Variants in ARFIP1 observed in about 807,000 individuals in gnomAD.
The protein encoded by ARFIP1 is arfaptin-1.
Under a neutral mutation model 42.5 loss-of-function variants are expected in ARFIP1, and 24 were observed. The ratio of observed to expected loss-of-function variants is 0.57; its 90% CI spans 0.41 to 0.80. The LOEUF (loss-of-function observed/expected upper bound fraction) is 0.80, where lower values mean the gene tolerates loss of function less well. ARFIP1 is among the 30% of genes least tolerant of loss of function. The pLI, the probability that ARFIP1 is intolerant of heterozygous loss-of-function variation, is 0.00. For missense variants in ARFIP1, 354 were observed against 434.0 expected, an observed-to-expected ratio of 0.82 and a Z score of 1.64; for synonymous variants, 141 against 153.7, an observed-to-expected ratio of 0.92 and a Z score of 0.61.
At chr4:152,781,368 T>C (rs1730486732) in intron 1 of ARFIP1, among the ~76,000 whole-genome samples, 1 of 151,506 alleles carries the variant, frequency 6.6e-6, no homozygotes, top group Admixed American at 6.6e-5. Flanking sequence ...TCTGAGTAGC[T>C]GGGTTTACAG....
chr4:152,911,142 A>G lies in ARFIP1; in HGVS notation c.*923A>G, dbSNP rs1738817501. 1 of 152,686 alleles carries G rather than the reference A, an allele frequency of 6.5e-6. No homozygotes were observed. The highest frequency in any genetic ancestry group is 2.1e-4 in the South Asian group (1 of 4,836). The allele number at this position is 152,686 out of a possible 1,614,324, so 9.5% of individuals were successfully genotyped here. ...ATCACAGATATGTGCCTTCTCAGAT[A>G]CAGTAATTCTTGTTCAACCAATGTA... On this transcript the variant is annotated 3_prime_UTR_variant, in exon 9 of 9. Transcript: ENST00000353617.
chr4:152,885,315 T>C (rs1177930020), intron 7 of ARFIP1, among the ~76,000 whole-genome samples: 1 of 152,042 alleles, frequency 6.6e-6, no homozygotes, highest in Non-Finnish European at 1.5e-5. Context: ...CTCCCTATTA[T>C]GCATTGTGTA....
chr4:152,896,188 A>G (rs1737307881), intron 8 of ARFIP1, among the ~76,000 whole-genome samples: 1 of 149,476 alleles, frequency 6.7e-6, no homozygotes, highest in African/African-American at 2.6e-5. Flanking sequence ...GAAACAGCAT[A>G]TGTTGACGGT....
rs146713983 is a variant in ARFIP1 at position 152,822,111 on chromosome 4, A to G, written c.-9-7514A>G. Among the ~76,000 whole-genome samples the G allele has an allele frequency of 7.2e-3, 1,092 of 152,264 alleles. 11 individuals carry two copies. The highest frequency in any genetic ancestry group is 0.024 in the African/African-American group (1,013 of 41,558). Reference sequence around the variant, plus strand: ...ATGATGATCTATTTAAAAGATACAGATTGGCAGAATGGATAAAAAAATTGC... The same window carrying G: ...ATGATGATCTATTTAAAAGATACAGGTTGGCAGAATGGATAAAAAAATTGC... On this transcript the variant is annotated intron_variant, in intron 1 of 8. Coordinates refer to ENST00000353617, the MANE Select transcript of ARFIP1 (RefSeq NM_001025595.3).
At chr4:152,880,079 C>T (rs923646930) in intron 5 of ARFIP1, among the ~76,000 whole-genome samples, 10 of 150,792 alleles carry the variant, frequency 6.6e-5, no homozygotes, top group Non-Finnish European at 1.3e-4. Flanking sequence ...CAACGGCTCA[C>T]GCCTGTAATC....
At chr4:152,833,968 A>T (rs78567235) in intron 2 of ARFIP1, among the ~76,000 whole-genome samples, 5,689 of 152,278 alleles carry the variant, frequency 0.037, 159 homozygotes, top group South Asian at 0.079. Context: ...CAGGCTGTGC[A>T]GGAAGTATGA....
At chr4:152,791,700 G>T (rs551009696) in intron 1 of ARFIP1, among the ~76,000 whole-genome samples, 1 of 151,930 alleles carries the variant, frequency 6.6e-6, no homozygotes, top group Admixed American at 6.6e-5. Context: ...CAGACCTCAG[G>T]GCTATTTTGG....
intron 2 of ARFIP1, among the ~76,000 whole-genome samples, chr4:152,837,016 T>C (rs1181808774): frequency 6.6e-6 from 1 of 152,064 alleles, no homozygotes; most frequent in Admixed American, 6.6e-5. Context: ...ACATAATCAG[T>C]GAGAACATAC....
At chr4:152,894,390 A>G (rs1737136219) in intron 8 of ARFIP1, among the ~76,000 whole-genome samples, 2 of 152,200 alleles carry the variant, frequency 1.3e-5, no homozygotes, top group African/African-American at 2.4e-5. Flanking sequence ...AAGTTTAAGG[A>G]GCATGTTAAT....
chr4:152,884,578 G>A (rs1736116636), intron 7 of ARFIP1, among the ~76,000 whole-genome samples: 1 of 151,892 alleles, frequency 6.6e-6, no homozygotes, highest in South Asian at 2.1e-4. Context: ...TGAGAACTTT[G>A]TGAATCTAGT....
At chr4:152,886,273 T>C (rs1320123742) in intron 7 of ARFIP1, among the ~76,000 whole-genome samples, 1 of 152,022 alleles carries the variant, frequency 6.6e-6, no homozygotes, top group Non-Finnish European at 1.5e-5. Flanking sequence ...AATCATGTCA[T>C]TTTTATGTCA....
At position 152,912,055 on chromosome 4, in the gene ARFIP1, G is replaced by C. The variant is rs982123873; in HGVS notation, c.*1836G>C. Reference sequence around the variant, plus strand: ...GCTCAGTAAGCTATTTTTTTTCAATGTGAATCTCTTTTGAGAGCTGAACAT... The same window carrying C: ...GCTCAGTAAGCTATTTTTTTTCAATCTGAATCTCTTTTGAGAGCTGAACAT... On this transcript the variant is annotated 3_prime_UTR_variant, in exon 9 of 9. Coordinates refer to ENST00000353617, the MANE Select transcript of ARFIP1 (RefSeq NM_001025595.3). The C allele has an allele frequency of 6.6e-6, 1 of 151,984 alleles. No individual in the cohort carries two copies. The highest frequency in any genetic ancestry group is 6.6e-5 in the Admixed American group (1 of 15,236). The allele number at this position is 151,984 out of a possible 1,614,324, so 9.4% of individuals were successfully genotyped here.
intron 1 of ARFIP1, among the ~76,000 whole-genome samples, chr4:152,785,629 G>A (rs887924900): frequency 7.9e-5 from 12 of 152,180 alleles, no homozygotes; most frequent in Non-Finnish European, 1.8e-4. Flanking sequence ...TTGAAATAAA[G>A]ATTCAAGTAA....
chr4:152,801,555 A>G (rs1327710720), intron 1 of ARFIP1, among the ~76,000 whole-genome samples: 1 of 152,176 alleles, frequency 6.6e-6, no homozygotes, highest in East Asian at 1.9e-4. Context: ...TCATTCATTT[A>G]TAATAATAGG....
intron 8 of ARFIP1, among the ~76,000 whole-genome samples, chr4:152,905,855 G>T (rs57308459): frequency 1.3e-5 from 2 of 151,936 alleles, no homozygotes; most frequent in Admixed American, 6.6e-5. Context: ...GCCTGGCCAA[G>T]AATTCTTTAT....
rs570704239 is a variant in ARFIP1 at position 152,837,420 on chromosome 4, G to A, written c.93+7694G>A. Among the ~76,000 whole-genome samples, 15 of 152,120 alleles carry A rather than the reference G, an allele frequency of 9.9e-5. No homozygotes were observed. In the South Asian group the frequency reaches 2.3e-3, roughly 23 times the overall value. On this transcript the variant is annotated intron_variant, in intron 2 of 8. Transcript: ENST00000353617. Reference sequence around the variant, plus strand: ...AGTGGAGAAGTGTTTCCTGTTCACCGCATCCACACCAACATGTACTGGTTT... The same window carrying A: ...AGTGGAGAAGTGTTTCCTGTTCACCACATCCACACCAACATGTACTGGTTT...
rs915910221 is a variant in ARFIP1, at chr4:152,912,344, A to C, written c.*2125A>C. On this transcript the variant is annotated 3_prime_UTR_variant, in exon 9 of 9. Coordinates refer to ENST00000353617, the MANE Select transcript of ARFIP1 (RefSeq NM_001025595.3). ...ACCTTCCCAAGTGAATAAATACTGC[A>C]TGGAACCACTCAACACCTCTGAAGT... The C allele has an allele frequency of 2.0e-5, 3 of 152,218 alleles. No individual in the cohort carries two copies. Among genetic ancestry groups the C allele is most frequent in the Non-Finnish European group, 2.9e-5 (2 of 68,018 alleles). The allele number at this position is 152,218 out of a possible 1,614,324, so 9.4% of individuals were successfully genotyped here. A position where few individuals can be genotyped will look rare whatever the true frequency, so the allele number is the denominator to read the frequency against.
chr4:152,887,220 G>C (rs558480337), intron 7 of ARFIP1, among the ~76,000 whole-genome samples: 17 of 152,060 alleles, frequency 1.1e-4, no homozygotes, highest in African/African-American at 4.1e-4. Context: ...CACTGTGATA[G>C]AGCTATTATG....
At chr4:152,796,233 A>G in intron 1 of ARFIP1, 3 of 920,388 alleles carry the variant, frequency 3.3e-6, no homozygotes, top group Non-Finnish European at 5.3e-6. Flanking sequence ...AGCGGGAATG[A>G]CGGATTCTTC....
Sources: gnomAD v4.1 joint callset for allele counts (sites outside exome capture counted in the v4.1 genomes callset) on GRCh38, gnomAD v4.1.1 for gene constraint, MANE v1.5 for transcripts, NCBI Gene and HGNC (gene_info 2026-07-23, HGNC 2026-07-21) for gene names.